Variants in COA1 observed in about 807,000 individuals in gnomAD.
COA1 encodes cytochrome c oxidase assembly factor 1 homolog.
COA1 carries 13 observed loss-of-function variants against 16.0 expected under a neutral mutation model. The observed-to-expected ratio is 0.81, with a 90% CI of 0.53 to 1.29. The LOEUF (loss-of-function observed/expected upper bound fraction) is 1.29, where lower values mean the gene tolerates loss of function less well. Ranked by LOEUF, COA1 falls within the 50% of genes most tolerant of loss-of-function variation. COA1 has a pLI of 0.00. For missense variants in COA1, 179 were observed against 177.0 expected, an observed-to-expected ratio of 1.01 and a Z score of -0.06; for synonymous variants, 65 against 65.7, an observed-to-expected ratio of 0.99 and a Z score of 0.05.
intron 1 of COA1, among the ~76,000 whole-genome samples, chr7:43,678,845 T>C (rs1464154437): frequency 2.0e-5 from 3 of 152,188 alleles, no homozygotes; most frequent in African/African-American, 7.2e-5. Flanking sequence ...CTGTAACCAT[T>C]ATGGCATTAC....
intron 3 of COA1, chr7:43,646,894 G>A (rs1455333320): frequency 4.9e-6 from 1 of 202,520 alleles, no homozygotes; most frequent in African/African-American, 2.3e-5. Flanking sequence ...GGATAAAGGA[G>A]CCTAAAAAAA....
chr7:43,685,010 G>T (rs2093952948), intron 1 of COA1, among the ~76,000 whole-genome samples: 1 of 152,250 alleles, frequency 6.6e-6, no homozygotes, highest in African/African-American at 2.4e-5. Context: ...TAGTTAGTGA[G>T]CAGTGGCTCA....
intron 3 of COA1, chr7:43,645,631 C>T (rs879251568): frequency 1.8e-5 from 8 of 452,410 alleles, no homozygotes; most frequent in African/African-American, 1.4e-4. Context: ...TGGGCCTTGA[C>T]CTCATGCAGA....
rs10627279 is a variant in COA1 at position 43,644,799 on chromosome 7, C to CAGAG, written c.264+448_264+451dup. On this transcript the variant is annotated intron_variant, in intron 4 of 5. Transcript: ENST00000223336. ...GCAGGCAGGCAGGCAGGCAGAGAGACAGAGAGAGAGAGAGAGAGAGAGAGA... is the reference window on the plus strand; with the variant it reads ...GCAGGCAGGCAGGCAGGCAGAGAGACAGAGAGAGAGAGAGAGAGAGAGAGAGAGA... 5.3e-3 allele frequency among the ~76,000 whole-genome samples: 397 copies of CAGAG among 75,178 alleles called. 7 individuals carry two copies. The highest frequency in any genetic ancestry group is 0.011 in the South Asian group (25 of 2,204). 49.3% of individuals were successfully genotyped at this position (75,178 alleles called of 152,430 possible).
At chr7:43,669,470 T>C (rs530649035) in intron 1 of COA1, among the ~76,000 whole-genome samples, 1 of 152,154 alleles carries the variant, frequency 6.6e-6, no homozygotes, top group South Asian at 2.1e-4. Flanking sequence ...CATATCCCCA[T>C]ATGTGTAGAG....
chr7:43,706,394 A>T (rs2094976297), intron 1 of COA1, among the ~76,000 whole-genome samples: 1 of 151,976 alleles, frequency 6.6e-6, no homozygotes, highest in African/African-American at 2.4e-5. Context: ...AAATAAATAC[A>T]AAAATTAACC....
intron 1 of COA1, among the ~76,000 whole-genome samples, chr7:43,686,658 C>T (rs1485489685): frequency 6.6e-6 from 1 of 152,230 alleles, no homozygotes; most frequent in African/African-American, 2.4e-5. Flanking sequence ...GACAGTCACA[C>T]TTAATCCACA....
chr7:43,642,354 G>A (rs1584225427), intron 4 of COA1, among the ~76,000 whole-genome samples: 1 of 152,278 alleles, frequency 6.6e-6, no homozygotes, highest in East Asian at 1.9e-4. Context: ...GGAGAGTGAG[G>A]CAGGAGAATC....
intron 1 of COA1, among the ~76,000 whole-genome samples, chr7:43,702,427 GCTCT>G (rs1347972448): frequency 3.9e-5 from 6 of 152,174 alleles, no homozygotes; most frequent in Middle Eastern, 3.4e-3. Flanking sequence ...TTATTTCCAG[GCTCT>G]CTATTCTGTT....
intron 3 of COA1, 143 bp from the exon 4 acceptor site, chr7:43,645,542 T>G (rs747088853): frequency 1.5e-5 from 11 of 712,344 alleles, no homozygotes; most frequent in Non-Finnish European, 2.3e-5. Flanking sequence ...TAAGGCCATC[T>G]ACTCTAAATT....
At chr7:43,622,193 C>CT (rs2083966673) in intron 6 of COA1, 3 of 152,206 alleles carry the variant, frequency 2.0e-5, no homozygotes, top group Admixed American at 2.0e-4. Context: ...GTTTCTTCCC[C>CT]GGTAATTTGG....
chr7:43,705,620 G>A (rs915764161), intron 1 of COA1, among the ~76,000 whole-genome samples: 1 of 152,206 alleles, frequency 6.6e-6, no homozygotes, highest in South Asian at 2.1e-4. Flanking sequence ...AGCCAACAAA[G>A]GCTAGAGCTG....
intron 1 of COA1, among the ~76,000 whole-genome samples, chr7:43,712,562 T>G (rs2095284553): frequency 6.6e-6 from 1 of 152,234 alleles, no homozygotes; most frequent in South Asian, 2.1e-4. Flanking sequence ...CACGGTGTCC[T>G]GAAATTTCCT....
chr7:43,658,725 G>A (rs1343272743), intron 1 of COA1: 1 of 152,192 alleles, frequency 6.6e-6, no homozygotes, highest in Non-Finnish European at 1.5e-5. Flanking sequence ...AATATGAAAG[G>A]GGGAAGCGCA....
chr7:43,615,210 C>G (rs2083235612), intron 6 of COA1, among the ~76,000 whole-genome samples: 1 of 152,080 alleles, frequency 6.6e-6, no homozygotes, highest in Non-Finnish European at 1.5e-5. Flanking sequence ...GGGTCGTATT[C>G]TGTTACCCAG....
At chr7:43,637,673 C>A (rs1479385777), downstream of COA1, among the ~76,000 whole-genome samples, 1 of 152,158 alleles carries the variant, frequency 6.6e-6, no homozygotes, top group Non-Finnish European at 1.5e-5. Flanking sequence ...CAGAATCACC[C>A]ATAAAGGCAT....
At chr7:43,664,127 G>GAGAGAGAGAGAGAT (rs1231238244) in intron 1 of COA1, among the ~76,000 whole-genome samples, 14 of 150,668 alleles carry the variant, frequency 9.3e-5, no homozygotes, top group African/African-American at 3.5e-4. Context: ...GAGAGAGAGA[G>GAGAGAGAGAGAGAT]AGAGTCTTGC....
intron 1 of COA1, among the ~76,000 whole-genome samples, chr7:43,656,809 C>G (rs1396714701): frequency 6.9e-6 from 1 of 144,644 alleles, no homozygotes; most frequent in Non-Finnish European, 1.5e-5. Flanking sequence ...TACCACCTAC[C>G]GCAAATATTA....
At position 43,713,371 on chromosome 7, in the gene COA1, C is replaced by T. The variant is rs186194185; in HGVS notation, c.-39+16058G>A. 5.2e-4 allele frequency among the ~76,000 whole-genome samples: 79 copies of T among 152,314 alleles called. 1 individual carries two copies. The East Asian group carries it at 0.011, about 21-fold the overall frequency. On this transcript the variant is annotated intron_variant, in intron 1 of 5. Transcript: ENST00000223336. Reference sequence around the variant, plus strand: ...AAAAGCCTCTCTTCTAGCAATTTTGCTACAATACCTTACTATTAACCATAA... The same window carrying T: ...AAAAGCCTCTCTTCTAGCAATTTTGTTACAATACCTTACTATTAACCATAA...
Sources: allele counts gnomAD v4.1 joint callset (sites outside exome capture counted in the v4.1 genomes callset), GRCh38; gene constraint gnomAD v4.1.1; transcripts MANE v1.5; gene names NCBI Gene and HGNC (gene_info 2026-07-23, HGNC 2026-07-21).